RBFOX1: variants seen among roughly 807,000 people sequenced by gnomAD.
RBFOX1 encodes the protein RNA binding fox-1 homolog 1, also known as RNA binding protein fox-1 homolog 1.
RBFOX1 carries 8 observed loss-of-function variants against 57.7 expected under a neutral mutation model. The ratio of observed to expected loss-of-function variants is 0.14; its 90% confidence interval spans 0.08 to 0.25. The LOEUF (loss-of-function observed/expected upper bound fraction) is 0.25. RBFOX1 is among the 10% of genes least tolerant of loss of function. RBFOX1 has a pLI of 1.00. For synonymous variants in RBFOX1, 326 were observed against 222.4 expected, an observed-to-expected ratio of 1.47 and a Z score of -4.15; for missense variants, 611 against 548.5, an observed-to-expected ratio of 1.11 and a Z score of -1.14.
At chr16:7,489,844 C>A (rs1202316283) in intron 4 of RBFOX1, among the ~76,000 whole-genome samples, 1 of 151,922 alleles carries the variant, frequency 6.6e-6, no homozygotes, top group African/African-American at 2.4e-5. Flanking sequence ...TATCTTTAAT[C>A]CACACTTTCG....
At chr16:5,965,638 C>G (rs1403284192) in intron 4 of RBFOX1, among the ~76,000 whole-genome samples, 1 of 152,216 alleles carries the variant, frequency 6.6e-6, no homozygotes, top group Non-Finnish European at 1.5e-5. Flanking sequence ...AAAGAAATTA[C>G]TGTTGAAAAG....
At chr16:6,890,980 G>T (rs1266755767) in intron 3 of RBFOX1, among the ~76,000 whole-genome samples, 1 of 152,286 alleles carries the variant, frequency 6.6e-6, no homozygotes, top group Admixed American at 6.5e-5. Context: ...GAGTCACCTG[G>T]TTCTTTGTGT....
chr16:5,770,546 G>C (rs1936332190), intron 3 of RBFOX1, among the ~76,000 whole-genome samples: 1 of 152,154 alleles, frequency 6.6e-6, no homozygotes, highest in South Asian at 2.1e-4. Flanking sequence ...GTCCACAAGT[G>C]CTATCTGCCT....
intron 3 of RBFOX1, among the ~76,000 whole-genome samples, chr16:6,924,934 G>A (rs920302517): frequency 1.4e-4 from 21 of 147,142 alleles, no homozygotes; most frequent in South Asian, 2.2e-4. Flanking sequence ...GAGAACATGC[G>A]GTGTTTGGTT....
chr16:6,814,437 A>T (rs1195761763), intron 3 of RBFOX1, among the ~76,000 whole-genome samples: 2 of 152,176 alleles, frequency 1.3e-5, no homozygotes, highest in African/African-American at 2.4e-5. Flanking sequence ...ATTGGGTGGT[A>T]GAAGCAGGTG....
chr16:6,939,702 A>T (rs576741241), intron 3 of RBFOX1, among the ~76,000 whole-genome samples: 2 of 151,870 alleles, frequency 1.3e-5, no homozygotes, highest in East Asian at 1.9e-4. Flanking sequence ...GGTAGAGTTG[A>T]GGCTTCACTA....
At chr16:5,313,269 CTGGG>C (rs2064141249) in intron 1 of RBFOX1, among the ~76,000 whole-genome samples, 1 of 152,134 alleles carries the variant, frequency 6.6e-6, no homozygotes, top group South Asian at 2.1e-4. Flanking sequence ...CCAAAGTCCT[CTGGG>C]AGGTCTCAAA....
At chr16:5,876,818 C>G (rs2057624269) in intron 4 of RBFOX1, among the ~76,000 whole-genome samples, 1 of 152,316 alleles carries the variant, frequency 6.6e-6, no homozygotes, top group South Asian at 2.1e-4. Flanking sequence ...AAGTTCCAGC[C>G]TGTCATAGTC....
intron 2 of RBFOX1, among the ~76,000 whole-genome samples, chr16:6,370,280 C>T (rs1244362323): frequency 1.5e-5 from 2 of 135,996 alleles, no homozygotes; most frequent in African/African-American, 2.8e-5. Context: ...ATAGTGTGAA[C>T]TCAGGAGGCG....
intron 2 of RBFOX1, among the ~76,000 whole-genome samples, chr16:6,654,044 G>T (rs1463011157): frequency 6.6e-6 from 1 of 151,184 alleles, no homozygotes; most frequent in Non-Finnish European, 1.5e-5. Context: ...GGATAGATGG[G>T]TGGATGGATA....
intron 14 of RBFOX1, among the ~76,000 whole-genome samples, chr16:7,679,221 T>G (rs755782513): frequency 6.6e-6 from 1 of 152,250 alleles, no homozygotes; most frequent in African/African-American, 2.4e-5. Flanking sequence ...TACCTTTTTA[T>G]AGAAGACACG....
rs1440727758 is a variant in RBFOX1, at chr16:5,395,541, G to A, written c.220-71675G>A. 2.6e-5 allele frequency among the ~76,000 whole-genome samples: 4 copies of A among 152,158 alleles called. No homozygotes were observed. The East Asian group carries it at 7.7e-4, about 29-fold the overall frequency. On this transcript the variant is annotated intron_variant, in intron 1 of 2. Transcript: ENST00000585867. ...TTTCTTCTACTCTTTAGGTTTTCTA[G>A]CCTTAGGTTTTTAAAACTTACGTAT...
intron 2 of RBFOX1, among the ~76,000 whole-genome samples, chr16:6,351,340 GTGTGTGTGTGTGTA>G (rs2086314595): frequency 9.8e-6 from 1 of 102,006 alleles, no homozygotes; most frequent in African/African-American, 5.7e-5. Context: ...GTGTGTGTGT[GTGTGTGTGTGTGTA>G]TATATATATA....
chr16:5,530,924 CTAAAAATATAAAAAAAAAAA>C (rs2044442060), intron 2 of RBFOX1, among the ~76,000 whole-genome samples: 1 of 67,694 alleles, frequency 1.5e-5, no homozygotes, highest in East Asian at 5.3e-4. Context: ...CCTGTCTCTA[CTAAAAATATAAAAAAAAAAA>C]AAAAAAAAAA....
chr16:7,219,827 A>G (rs1270466069), intron 4 of RBFOX1, among the ~76,000 whole-genome samples: 1 of 152,224 alleles, frequency 6.6e-6, no homozygotes, highest in African/African-American at 2.4e-5. Context: ...ACCTTCCACC[A>G]AAGGATTTCC....
At chr16:6,378,518 A>G (rs1436699426) in intron 2 of RBFOX1, among the ~76,000 whole-genome samples, 1 of 152,182 alleles carries the variant, frequency 6.6e-6, no homozygotes, top group Non-Finnish European at 1.5e-5. Context: ...CAGAGCACAC[A>G]CAGCCATCTC....
intron 2 of RBFOX1, among the ~76,000 whole-genome samples, chr16:6,436,740 G>A (rs904090730): frequency 6.6e-6 from 1 of 151,856 alleles, no homozygotes; most frequent in Non-Finnish European, 1.5e-5. Context: ...ACCAAACACA[G>A]TTTCCGAGAT....
rs1409915125 is a variant in RBFOX1 at position 7,225,680 on chromosome 16, A to C, written c.27+173582A>C. On this transcript the variant is annotated intron_variant, in intron 4 of 15. Transcript: ENST00000550418. The stretch of plus-strand genomic sequence containing the variant: ...CTGAAATCTTTAGGTGGCACGGGAC[A>C]GAAATCCAAATAGAATTGGCGTTTG... 2.0e-5 allele frequency among the ~76,000 whole-genome samples: 3 copies of C among 146,530 alleles called. 1 individual carries two copies. The highest frequency in any genetic ancestry group is 1.5e-5 in the Non-Finnish European group (1 of 67,386).
chr16:5,470,760 C>G (rs971385369), intron 2 of RBFOX1, among the ~76,000 whole-genome samples: 1 of 152,156 alleles, frequency 6.6e-6, no homozygotes, highest in South Asian at 2.1e-4. Flanking sequence ...GTCTGTCCGC[C>G]TCTGCAGCCT....
Sources: gnomAD v4.1 joint callset for allele counts (sites outside exome capture counted in the v4.1 genomes callset) on GRCh38, gnomAD v4.1.1 for gene constraint, MANE v1.5 for transcripts, NCBI Gene and HGNC (gene_info 2026-07-23, HGNC 2026-07-21) for gene names.